Variants in KDM3B observed in about 807,000 individuals in gnomAD.
The protein encoded by KDM3B is lysine-specific demethylase 3B.
Under a neutral mutation model 170.0 loss-of-function variants are expected in KDM3B, and 10 were observed. The ratio of observed to expected loss-of-function variants is 0.06; its 90% CI spans 0.04 to 0.10. The LOEUF is 0.10. Among genes scored for constraint, KDM3B ranks in the 10% least tolerant of loss-of-function variants. The pLI, the probability that KDM3B is intolerant of heterozygous loss-of-function variation, is 1.00. For missense variants in KDM3B, 1,394 were observed against 2,195.2 expected (o/e 0.64, Z 7.29); for synonymous variants, 831 against 834.8 (o/e 1.00, Z 0.08).
At chr5:138,397,176 A>C (rs1438720639) in intron 9 of KDM3B, among the ~76,000 whole-genome samples, 1 of 152,112 alleles carries the variant, frequency 6.6e-6, no homozygotes, top group African/African-American at 2.4e-5. Context: ...CTAAAAATAC[A>C]AAAACAAAAT....
intron 6 of KDM3B, among the ~76,000 whole-genome samples, chr5:138,384,028 G>A (rs139284285): frequency 0.011 from 1,593 of 151,160 alleles, 12 homozygotes; most frequent in Non-Finnish European, 0.016. Context: ...AGGCCGAGGC[G>A]GCTGGATCAC....
intron 9 of KDM3B, chr5:138,397,950 A>G: frequency 2.4e-6 from 1 of 422,224 alleles, no homozygotes; most frequent in East Asian, 4.0e-5. Context: ...GGTGAATGGA[A>G]AAACTAAGAG....
At chr5:138,426,895 T>G (rs1763413001) in intron 17 of KDM3B, 80 bp from the exon 18 acceptor site, 4 of 933,582 alleles carry the variant, frequency 4.3e-6, no homozygotes, top group Non-Finnish European at 5.1e-6. Flanking sequence ...AAAAAGAGAT[T>G]AGTCTCCCAA....
chr5:138,352,775 C>A lies in KDM3B; in HGVS notation c.-21C>A. Reference sequence around the variant, plus strand: ...TGGTGGGAGGCGGCGGGCGGGAGCGCGGGTCAGGCCGGCCCCGGCGATGGC... The same window carrying A: ...TGGTGGGAGGCGGCGGGCGGGAGCGAGGGTCAGGCCGGCCCCGGCGATGGC... On this transcript the variant is annotated 5_prime_UTR_variant, in exon 1 of 24. Coordinates refer to ENST00000314358, the MANE Select transcript of KDM3B (RefSeq NM_016604.4). 2 of 1,216,222 alleles carry A rather than the reference C, an allele frequency of 1.6e-6. No homozygotes were observed. Among genetic ancestry groups the A allele is most frequent in the Non-Finnish European group, 2.0e-6 (2 of 980,756 alleles). 75.3% of individuals were successfully genotyped at this position (1,216,222 alleles called of 1,614,324 possible).
In KDM3B at chr5:138,417,464, T is replaced by C; in HGVS notation, c.3308-19T>C. 1 of 1,613,146 alleles carries C rather than the reference T, an allele frequency of 6.2e-7. No homozygotes were observed. Among genetic ancestry groups the C allele is most frequent in the Non-Finnish European group, 8.5e-7 (1 of 1,179,248 alleles). The stretch of plus-strand genomic sequence containing the variant: ...ATGAGTATTCTGGTGTTATTTTTAT[T>C]GTTACATTTTTTTCCCAGCTCTTTA... On this transcript the variant is annotated intron_variant, in intron 12 of 23. Coordinates refer to ENST00000314358, the MANE Select transcript of KDM3B (RefSeq NM_016604.4).
intron 23 of KDM3B, 43 bp downstream of exon 23, chr5:138,431,602 A>C (rs746668793): frequency 2.7e-6 from 4 of 1,504,314 alleles, no homozygotes; most frequent in East Asian, 2.4e-5. Flanking sequence ...TTCTCATTGC[A>C]TACTCACATA....
chr5:138,404,685 A>G (rs1202924715), intron 11 of KDM3B, among the ~76,000 whole-genome samples: 1 of 151,426 alleles, frequency 6.6e-6, no homozygotes, highest in Non-Finnish European at 1.5e-5. Context: ...AGGCCAGAAG[A>G]CAACAGAAAA....
chr5:138,406,716 T>A (rs1001612388), intron 11 of KDM3B, among the ~76,000 whole-genome samples: 2 of 152,108 alleles, frequency 1.3e-5, no homozygotes, highest in Non-Finnish European at 2.9e-5. Context: ...TATGTGCTAA[T>A]CTTCTGCCTA....
In KDM3B at chr5:138,387,689, G is replaced by A. The variant is rs112358583; in HGVS notation, c.1380+1068G>A. Among the ~76,000 whole-genome samples the A allele has an allele frequency of 1.3e-3, 200 of 152,294 alleles. 3 individuals carry two copies. Among genetic ancestry groups the A allele is most frequent in the African/African-American group, 4.5e-3 (186 of 41,556 alleles). ...AAATGCAAATTTCACACTGTTGATG[G>A]TTTGTCCTGTTGGTTGACCAGCATT... On this transcript the variant is annotated intron_variant, in intron 7 of 23. Transcript: ENST00000314358.
At chr5:138,362,878 C>T (rs1410940146) in intron 1 of KDM3B, among the ~76,000 whole-genome samples, 2 of 149,538 alleles carry the variant, frequency 1.3e-5, no homozygotes, top group African/African-American at 4.9e-5. Flanking sequence ...AATGCTATCC[C>T]TCCCCTCTCC....
chr5:138,430,384 C>A lies in KDM3B; in HGVS notation c.5029C>A (p.Leu1677Ile), dbSNP rs1233833402. 2 of 1,614,060 alleles carry A rather than the reference C, an allele frequency of 1.2e-6. No homozygotes were observed. Among genetic ancestry groups the A allele is most frequent in the African/African-American group, 1.3e-5 (1 of 75,016 alleles). Residue 1677 changes from leucine (L) to isoleucine (I), a missense_variant, in exon 22 of 24, where the codon CTA (leucine) becomes ATA (isoleucine). Transcript: ENST00000314358. ...GCAAGGCTGGGCTATTGTGCAGTTC[C>A]TAGGTGATGCTGTTTTCATACCTGC... ...GVQGWAIVQF[L>I]GDAVFIPAGA... is the part of the protein sequence containing the mutation.
intron 15 of KDM3B, among the ~76,000 whole-genome samples, chr5:138,423,833 G>A (rs1022374609): frequency 1.3e-5 from 2 of 152,152 alleles, no homozygotes; most frequent in African/African-American, 4.8e-5. Context: ...CAGATCTCTC[G>A]AGGCAAAAGG....
In KDM3B at chr5:138,391,858, C is replaced by A. The variant is rs891769851; in HGVS notation, c.2226C>A (p.Ser742=). Residue 742 remains serine (S), a synonymous_variant, in exon 8 of 24, where the codon TCC becomes TCA. Transcript: ENST00000314358. The surrounding 1 kb of genome is among the most constrained non-coding windows in gnomAD (Gnocchi z 5.0). ...AGCCCATTGAGATGCCAACTCTCTC[C>A]TCTAGCCCCACAGAGGAGAGGCCAA... ...LTQPIEMPTL[S]SSPTEERPTV... 6 of 1,614,052 alleles carry A rather than the reference C, an allele frequency of 3.7e-6. No homozygotes were observed. In the African/African-American group the frequency reaches 5.3e-5, roughly 14 times the overall value.
chr5:138,428,410 C>G (rs1561797116), intron 20 of KDM3B, among the ~76,000 whole-genome samples: 2 of 152,106 alleles, frequency 1.3e-5, no homozygotes, highest in South Asian at 2.1e-4. Context: ...CGGGTTTCGC[C>G]ATGTTGGCCA....
intron 9 of KDM3B, among the ~76,000 whole-genome samples, chr5:138,396,470 G>A (rs911490460): frequency 6.6e-6 from 1 of 152,198 alleles, no homozygotes; most frequent in African/African-American, 2.4e-5. Flanking sequence ...GAGGATTTTT[G>A]TGGTAGAAAT....
chr5:138,411,263 T>C (rs573310859), intron 11 of KDM3B, among the ~76,000 whole-genome samples: 2 of 152,356 alleles, frequency 1.3e-5, no homozygotes, highest in South Asian at 4.1e-4. Context: ...CTTCTAGTCA[T>C]ACCTCACTAT....
intron 13 of KDM3B, 72 bp downstream of exon 13, chr5:138,417,682 A>G: frequency 6.7e-7 from 1 of 1,489,672 alleles, no homozygotes. Context: ...CCCCTTTTCA[A>G]CTCTGTTATG....
intron 2 of KDM3B, among the ~76,000 whole-genome samples, chr5:138,374,888 T>C (rs1370853150): frequency 6.6e-6 from 1 of 152,238 alleles, no homozygotes; most frequent in Non-Finnish European, 1.5e-5. Context: ...AGTATTGAGC[T>C]GACTTTCTGC....
chr5:138,404,051 T>C (rs1183678381), intron 11 of KDM3B, among the ~76,000 whole-genome samples: 2 of 151,592 alleles, frequency 1.3e-5, no homozygotes, highest in South Asian at 2.1e-4. Flanking sequence ...CTTGCAGACA[T>C]TGACAAAAGA....
Sources: gnomAD v4.1 joint callset for allele counts (sites outside exome capture counted in the v4.1 genomes callset) on GRCh38, gnomAD v4.1.1 for gene constraint, Gnocchi (gnomAD v3.1) non-coding constraint, MANE v1.5 for transcripts, NCBI Gene and HGNC (gene_info 2026-07-23, HGNC 2026-07-21) for gene names.